Variants in COL18A1 observed in about 807,000 individuals in gnomAD.
COL18A1 encodes the protein collagen alpha-1(XVIII) chain.
COL18A1 carries 133 observed loss-of-function variants against 168.0 expected under a neutral mutation model. That is an observed-to-expected ratio of 0.79 (90% confidence interval 0.69 to 0.91). The LOEUF is 0.91. Among genes scored for constraint, COL18A1 ranks in the 40% least tolerant of loss-of-function variants. The pLI is 0.00. For synonymous variants in COL18A1, 949 were observed against 809.0 expected, an observed-to-expected ratio of 1.17 and a Z score of -2.94; for missense variants, 2,126 against 1,925.4, an observed-to-expected ratio of 1.10 and a Z score of -1.95.
At position 45,495,304 on chromosome 21, in the gene COL18A1, G is replaced by A. The variant is rs148167219; in HGVS notation, c.2434-54G>A. ...CTAACGGCAGGCACCCTGCGGGAAG[G>A]TGTCTGGTAATCATCAGTGCCCAGC... On this transcript the variant is annotated intron_variant, in intron 28 of 41. Coordinates refer to ENST00000651438, the MANE Select transcript of COL18A1 (RefSeq NM_001379500.1). 1.5e-4 allele frequency: 213 copies of A among 1,462,452 alleles called. 1 individual carries two copies. In the African/African-American group the frequency reaches 2.4e-3, roughly 17 times the overall value. 90.6% of individuals were successfully genotyped at this position (1,462,452 alleles called of 1,614,324 possible).
chr21:45,501,378 G>T (rs895277874), intron 32 of COL18A1, among the ~76,000 whole-genome samples: 1 of 152,082 alleles, frequency 6.6e-6, no homozygotes, highest in Non-Finnish European at 1.5e-5. Flanking sequence ...TCCAGGCCAC[G>T]TCCCCAGCAT....
intron 2 of COL18A1, chr21:45,456,000 C>A (rs780515185): frequency 1.4e-5 from 22 of 1,612,918 alleles, no homozygotes; most frequent in Non-Finnish European, 1.8e-5. Context: ...CTCGCTGGGC[C>A]TTCCAGCACC....
At chr21:45,492,852 G>A in intron 24 of COL18A1, 139 bp downstream of exon 24, 1 of 783,220 alleles carries the variant, frequency 1.3e-6, no homozygotes, top group Non-Finnish European at 2.2e-6. Context: ...CCAAGGAAAT[G>A]ATGGGAGTGG....
At chr21:45,454,459 G>C (rs141343982) in intron 2 of COL18A1, among the ~76,000 whole-genome samples, 73 of 152,326 alleles carry the variant, frequency 4.8e-4, no homozygotes, top group African/African-American at 1.5e-3. Flanking sequence ...GAGCACTGAG[G>C]GGGTGGGTGG....
intron 19 of COL18A1, among the ~76,000 whole-genome samples, chr21:45,489,772 T>C: frequency 6.9e-6 from 1 of 145,564 alleles, no homozygotes; most frequent in East Asian, 2.0e-4. Flanking sequence ...GCTGTCTGGC[T>C]GTGCAGGCCC....
rs1184991516 is a variant in COL18A1, at chr21:45,468,742, C to T, written c.607C>T (p.Leu203Phe). The T allele has an allele frequency of 1.2e-6, 2 of 1,609,232 alleles. No homozygotes were observed. Among genetic ancestry groups the T allele is most frequent in the Non-Finnish European group, 1.7e-6 (2 of 1,179,772 alleles). ...RGLELEPGAG[L>F]FVAQAGGADP... ...CCTGGAGCTGGAGCCTGGCGCCGGGCTCTTCGTGGCTCAGGCGGGGGGAGC... is the reference window on the plus strand; with the variant it reads ...CCTGGAGCTGGAGCCTGGCGCCGGGTTCTTCGTGGCTCAGGCGGGGGGAGC... The change falls in exon 3 of 42, where the codon CTC becomes TTC. Residue 203 changes from leucine (L) to phenylalanine (F), a missense_variant. Coordinates refer to ENST00000651438, the MANE Select transcript of COL18A1 (RefSeq NM_001379500.1).
rs750175097 is a variant in COL18A1, at chr21:45,512,214, C to G, written c.3836C>G (p.Ser1279Trp). 1 of 1,612,282 alleles carries G rather than the reference C, an allele frequency of 6.2e-7. No individual in the cohort carries two copies. The highest frequency in any genetic ancestry group is 8.5e-7 in the Non-Finnish European group (1 of 1,179,712). Residue 1279 changes from serine to tryptophan, a missense_variant, in exon 42 of 42, where the codon TCG (serine) becomes TGG (tryptophan). By Grantham distance (177) the Ser-to-Trp change is radical. Transcript: ENST00000651438. ...TWPQKSVWHG[S>W]DPNGRRLTES... ...CCCCAGAAGAGCGTGTGGCATGGCT[C>G]GGACCCCAACGGGCGCAGGCTGACC...
chr21:45,483,051 G>A (rs753569303), intron 15 of COL18A1, among the ~76,000 whole-genome samples: 7 of 152,240 alleles, frequency 4.6e-5, no homozygotes, highest in Non-Finnish European at 7.3e-5. Context: ...TGTGGCTTCC[G>A]CCGAGCTCTG....
chr21:45,460,518 C>T (rs2035005857), intron 2 of COL18A1, among the ~76,000 whole-genome samples: 2 of 152,234 alleles, frequency 1.3e-5, no homozygotes, highest in Non-Finnish European at 2.9e-5. Context: ...GTCATGTCAC[C>T]ATGATGGCCC....
At position 45,486,889 on chromosome 21, in the gene COL18A1, G is replaced by A; in HGVS notation, c.1730G>A (p.Gly577Asp). The change falls in exon 16 of 42, where the codon GGT becomes GAT. Residue 577 changes from glycine (G) to aspartate (D), a missense_variant. Gly to Asp is a moderately conservative substitution (Grantham distance 94). Transcript: ENST00000651438. ...AGCAAGGGAGCCCCCGGTCCTGCTGGTGCTCGTGGGGAGAGCGGCCTGGCA... is the reference window on the plus strand; with the variant it reads ...AGCAAGGGAGCCCCCGGTCCTGCTGATGCTCGTGGGGAGAGCGGCCTGGCA... ...KGSKGAPGPA[G>D]ARGESGLAGA... 6.5e-7 allele frequency: 1 copy of A among 1,528,112 alleles called. No homozygotes were observed. Among genetic ancestry groups the A allele is most frequent in the Non-Finnish European group, 8.8e-7 (1 of 1,137,722 alleles). The allele number at this position is 1,528,112 out of a possible 1,614,324, so 94.7% of individuals were successfully genotyped here. A position where few individuals can be genotyped will look rare whatever the true frequency, so the allele number is the denominator to read the frequency against.
intron 2 of COL18A1, among the ~76,000 whole-genome samples, chr21:45,437,220 A>C (rs1241159657): frequency 8.6e-6 from 1 of 115,918 alleles, no homozygotes; most frequent in Non-Finnish European, 1.7e-5. Flanking sequence ...GCACACACAC[A>C]CACAGACACA....
At chr21:45,418,860 C>A (rs2033534681) in intron 2 of COL18A1, among the ~76,000 whole-genome samples, 1 of 152,206 alleles carries the variant, frequency 6.6e-6, no homozygotes, top group African/African-American at 2.4e-5. Flanking sequence ...CAATACACAC[C>A]CTCTAGAGGG....
At chr21:45,490,494 C>CTGGGTCCCTGGGCCTCCGTGTGCCCACT (rs2036285551) in intron 20 of COL18A1, 148 bp downstream of exon 20, 1 of 379,238 alleles carries the variant, frequency 2.6e-6, no homozygotes. Flanking sequence ...GTGTGCCCTC[C>CTGGGTCCCTGGGCCTCCGTGTGCCCACT]CGGGTCTCTG....
intron 37 of COL18A1, chr21:45,507,057 C>T (rs1046695594): frequency 2.4e-5 from 8 of 326,656 alleles, no homozygotes; most frequent in Non-Finnish European, 4.3e-5. Context: ...CTAGCAAACG[C>T]GTGCTGGGAG....
chr21:45,405,337 G>T lies in COL18A1; in HGVS notation c.12-42G>T, dbSNP rs767323570. On this transcript the variant is annotated intron_variant, in intron 1 of 41. Coordinates refer to ENST00000651438, the MANE Select transcript of COL18A1 (RefSeq NM_001379500.1). ...GGCTCGGCCGGGTCCTGCGGGGGTC[G>T]CGGGGGTCCTGCGGGGTCTGACCCG... is the stretch of plus-strand genomic sequence containing the variant. The T allele has an allele frequency of 1.4e-5, 14 of 967,158 alleles. No homozygotes were observed. In the African/African-American group the frequency reaches 2.7e-4, roughly 19 times the overall value. The allele number at this position is 967,158 out of a possible 1,614,324, so 59.9% of individuals were successfully genotyped here. A position where few individuals can be genotyped will look rare whatever the true frequency, so the allele number is the denominator to read the frequency against.
At chr21:45,505,469 G>A (rs776533647) in intron 36 of COL18A1, 38 bp downstream of exon 36, 172 of 1,117,162 alleles carry the variant, frequency 1.5e-4, no homozygotes, top group Non-Finnish European at 2.1e-4. Flanking sequence ...CCTGCGTCCC[G>A]TGCCCTGGCT....
chr21:45,474,452 TAGTGTGTCTC>T (rs1187093930), intron 4 of COL18A1, among the ~76,000 whole-genome samples: 3 of 148,442 alleles, frequency 2.0e-5, no homozygotes, highest in African/African-American at 7.6e-5. Context: ...TCTCTGTGTG[TAGTGTGTCTC>T]TGTGTGTGGT....
At chr21:45,442,581 CCTGGTGTGGGCGGTGGTG>C (rs1245766829) in intron 2 of COL18A1, among the ~76,000 whole-genome samples, 3 of 152,214 alleles carry the variant, frequency 2.0e-5, no homozygotes, top group East Asian at 1.9e-4. Context: ...GAGTGGCAGT[CCTGGTGTGGGCGGTGGTG>C]CTGGTGTGGG....
At chr21:45,421,628 T>C (rs769810842) in intron 2 of COL18A1, 7 of 526,754 alleles carry the variant, frequency 1.3e-5, no homozygotes, top group Non-Finnish European at 2.0e-5. Context: ...GCCTGGAAGG[T>C]GTGGAGCGGG....
Sources: allele counts gnomAD v4.1 joint callset (sites outside exome capture counted in the v4.1 genomes callset), GRCh38; gene constraint gnomAD v4.1.1; transcripts MANE v1.5; gene names NCBI Gene and HGNC (gene_info 2026-07-23, HGNC 2026-07-21).